The following ANG variants were observed in gnomAD, a reference collection of about 807,000 sequenced individuals.
ANG encodes Homo sapiens epididymis luminal protein 168.
For missense variants in ANG, 178 were observed against 187.4 expected (o/e 0.95, Z 0.29); for synonymous variants, 74 against 73.8 (o/e 1.00, Z -0.02).
chr14:20,692,779 G>A (rs975770092), intron 1 of ANG, among the ~76,000 whole-genome samples: 4 of 152,140 alleles, frequency 2.6e-5, no homozygotes, highest in South Asian at 2.1e-4. Flanking sequence ...TCTCATCTCA[G>A]TACATTGAAG....
chr14:20,684,258 C>T (rs892325813), upstream of ANG: 1 of 152,392 alleles, frequency 6.6e-6, no homozygotes, highest in East Asian at 1.9e-4. Flanking sequence ...TTCATGGGTT[C>T]CTGGACGCTC....
In ANG at chr14:20,693,656, C is replaced by G. The variant is rs766131151; in HGVS notation, c.92C>G (p.Thr31Arg). ...PTLAQDNSRYTHFLTQHYDAK... is the reference protein window; with the variant it reads ...PTLAQDNSRYRHFLTQHYDAK... ...CTGGCTCAGGATAACTCCAGGTACA[C>G]ACACTTCCTGACCCAGCACTATGAT... is the stretch of plus-strand genomic sequence containing the variant. Residue 31 changes from threonine (T) to arginine (R), a missense_variant, in exon 2 of 2, where the codon ACA becomes AGA. Transcript: ENST00000397990. 10 of 1,614,038 alleles carry G rather than the reference C, an allele frequency of 6.2e-6. No individual in the cohort carries two copies. The highest frequency in any genetic ancestry group is 6.8e-6 in the Non-Finnish European group (8 of 1,180,050).
Position 20,690,221 on chromosome 14 carries a change from CAAAAAAAAAAAA to C in ANG, c.-19+1363_-19+1374del, listed in dbSNP as rs36091065. Reference sequence around the variant, plus strand: ...TGGGCGACAGAGCGAGACTCCGTCTCAAAAAAAAAAAAAAAAAAAAAAAAAAAGAAAAGAAAA... The same window carrying C: ...TGGGCGACAGAGCGAGACTCCGTCTCAAAAAAAAAAAAAAAGAAAAGAAAA... On this transcript the variant is annotated intron_variant, in intron 1 of 1. Coordinates refer to ENST00000397990, the MANE Select transcript of ANG (RefSeq NM_001097577.3). Among the ~76,000 whole-genome samples the C allele has an allele frequency of 3.1e-4, 21 of 67,980 alleles. No individual in the cohort carries two copies. In the South Asian group the frequency reaches 3.4e-3, roughly 11 times the overall value. The allele number at this position is 67,980 out of a possible 152,430, so 44.6% of individuals were successfully genotyped here. A position where few individuals can be genotyped will look rare whatever the true frequency, so the allele number is the denominator to read the frequency against.
At chr14:20,691,249 C>G (rs1886728929) in intron 1 of ANG, among the ~76,000 whole-genome samples, 1 of 152,192 alleles carries the variant, frequency 6.6e-6, no homozygotes, top group African/African-American at 2.4e-5. Flanking sequence ...GCTCTGGTTC[C>G]GTTTCCTGAT....
chr14:20,688,578 T>C (rs1886537405), upstream of ANG: 1 of 591,264 alleles, frequency 1.7e-6, no homozygotes, highest in African/African-American at 2.0e-5. Context: ...CAGAAGGCCA[T>C]GTTTCTCAAA....
At chr14:20,693,500 G>A in intron 1 of ANG, 47 bp from the exon 2 acceptor site, 1 of 1,602,704 alleles carries the variant, frequency 6.2e-7, no homozygotes, top group Non-Finnish European at 8.5e-7. Flanking sequence ...GGCCTAATTT[G>A]GTGATGCTGT....
chr14:20,693,329 G>A (rs1319725704), intron 1 of ANG, among the ~76,000 whole-genome samples: 2 of 152,260 alleles, frequency 1.3e-5, no homozygotes, highest in East Asian at 1.9e-4. Context: ...AGAACGGTTG[G>A]AGCTAGAGGT....
intron 1 of ANG, among the ~76,000 whole-genome samples, chr14:20,689,343 G>A (rs1424450654): frequency 6.6e-6 from 1 of 152,204 alleles, no homozygotes; most frequent in Non-Finnish European, 1.5e-5. Flanking sequence ...CTCACTGGCA[G>A]GTTGAAGGGA....
chr14:20,686,097 G>A (rs752951979), upstream of ANG, among the ~76,000 whole-genome samples: 8 of 151,520 alleles, frequency 5.3e-5, no homozygotes, highest in Non-Finnish European at 1.2e-4. Flanking sequence ...GCCGGCGAAT[G>A]CAATGAGTTC....
At chr14:20,687,585 T>C (rs1208518176), upstream of ANG, among the ~76,000 whole-genome samples, 1 of 152,232 alleles carries the variant, frequency 6.6e-6, no homozygotes, top group Non-Finnish European at 1.5e-5. Flanking sequence ...AGTTTTCTCC[T>C]TGCTTATGAA....
chr14:20,691,900 C>G (rs1372901400), intron 1 of ANG, among the ~76,000 whole-genome samples: 1 of 152,236 alleles, frequency 6.6e-6, no homozygotes, highest in Non-Finnish European at 1.5e-5. Flanking sequence ...GATCCACAGT[C>G]TTGCTCTCAG....
Position 20,694,145 on chromosome 14 carries a change from C to T in ANG, c.*137C>T. ...CCTGGACCTTTTGTTTTCTGTTTGA[C>T]AACATGTTTAATAAATAAAAATGTC... On this transcript the variant is annotated 3_prime_UTR_variant, in exon 2 of 2. Transcript: ENST00000397990. 1 of 908,622 alleles carries T rather than the reference C, an allele frequency of 1.1e-6. No individual in the cohort carries two copies. Among genetic ancestry groups the T allele is most frequent in the South Asian group, 1.4e-5 (1 of 70,216 alleles). 56.3% of individuals were successfully genotyped at this position (908,622 alleles called of 1,614,324 possible). A position where few individuals can be genotyped will look rare whatever the true frequency, so the allele number is the denominator to read the frequency against.
chr14:20,687,497 G>T (rs1886481046), upstream of ANG, among the ~76,000 whole-genome samples: 1 of 152,200 alleles, frequency 6.6e-6, no homozygotes, highest in Admixed American at 6.5e-5. Flanking sequence ...GGCGCATATG[G>T]GTTGTATGCT....
Position 20,693,763 on chromosome 14 carries a change from A to G in ANG, c.199A>G (p.Asn67Asp), listed in dbSNP as rs1886945573. The G allele has an allele frequency of 6.2e-7, 1 of 1,614,100 alleles. No individual in the cohort carries two copies. Among genetic ancestry groups the G allele is most frequent in the African/African-American group, 1.3e-5 (1 of 74,926 alleles). ...RGLTSPCKDI[N>D]TFIHGNKRSI... The stretch of plus-strand genomic sequence containing the variant: ...CCTGACCTCACCCTGCAAAGACATC[A>G]ACACATTTATTCATGGCAACAAGCG... Residue 67 changes from asparagine (N) to aspartate (D), a missense_variant, in exon 2 of 2, where the codon AAC becomes GAC. Transcript: ENST00000397990.
At position 20,693,286 on chromosome 14, in the gene ANG, A is replaced by G. The variant is rs148786659; in HGVS notation, c.-18-261A>G. Among the ~76,000 whole-genome samples the G allele has an allele frequency of 2.6e-5, 4 of 152,388 alleles. No homozygotes were observed. In the East Asian group the frequency reaches 5.8e-4, roughly 22 times the overall value. ...TGGATTTTGTAATGTTACGACTGAT[A>G]GAGAAATACTCAGTGATTCTAAGGG... On this transcript the variant is annotated intron_variant, in intron 1 of 1. Coordinates refer to ENST00000397990, the MANE Select transcript of ANG (RefSeq NM_001097577.3).
upstream of ANG, among the ~76,000 whole-genome samples, chr14:20,685,070 A>C (rs561298954): frequency 6.6e-6 from 1 of 152,330 alleles, no homozygotes; most frequent in South Asian, 2.1e-4. Flanking sequence ...GCACTTGCCC[A>C]CAACTAAGAA....
At position 20,693,848 on chromosome 14, in the gene ANG, T is replaced by C; in HGVS notation, c.284T>C (p.Ile95Thr). Residue 95 changes from isoleucine to threonine, a missense_variant, in exon 2 of 2, where the codon ATA becomes ACA. Ile to Thr is a moderately conservative substitution (Grantham distance 89, BLOSUM62 -1). Transcript: ENST00000397990. Reference protein sequence around the residue: ...NGNPHRENLRISKSSFQVTTC... With the variant: ...NGNPHRENLRTSKSSFQVTTC... Reference sequence around the variant, plus strand: ...AACCCTCACAGAGAAAACCTAAGAATAAGCAAGTCTTCTTTCCAGGTCACC... The same window carrying C: ...AACCCTCACAGAGAAAACCTAAGAACAAGCAAGTCTTCTTTCCAGGTCACC... The C allele has an allele frequency of 6.2e-7, 1 of 1,614,122 alleles. No homozygotes were observed. The highest frequency in any genetic ancestry group is 8.5e-7 in the Non-Finnish European group (1 of 1,180,014).
At position 20,694,054 on chromosome 14, in the gene ANG, C is replaced by T. The variant is rs2139026300; in HGVS notation, c.*46C>T. On this transcript the variant is annotated 3_prime_UTR_variant, in exon 2 of 2. Transcript: ENST00000397990. ...TGCTGGCTCTGCTGTCCTTGCCTTC[C>T]ATTTCCCCTCTGCACCCAGAACAGT... is the stretch of plus-strand genomic sequence containing the variant. 6.2e-7 allele frequency: 1 copy of T among 1,606,086 alleles called. No individual in the cohort carries two copies.
At chr14:20,685,464 G>A (rs1010460), upstream of ANG, among the ~76,000 whole-genome samples, 65,145 of 151,516 alleles carry the variant, frequency 0.43, 13,981 homozygotes, top group Middle Eastern at 0.52. Context: ...AATGTAATCA[G>A]TAGAAACCCA....
Sources: allele counts gnomAD v4.1 joint callset (sites outside exome capture counted in the v4.1 genomes callset), GRCh38; gene constraint gnomAD v4.1.1; transcripts MANE v1.5; gene names NCBI Gene and HGNC (gene_info 2026-07-23, HGNC 2026-07-21).